The following NDUFA10 variants were observed in gnomAD, a reference collection of about 807,000 sequenced individuals.
NDUFA10 encodes NADH dehydrogenase [ubiquinone] 1 alpha subcomplex subunit 10, mitochondrial.
A neutral mutation model predicts 47.8 loss-of-function variants in NDUFA10; 40 were observed. The ratio of observed to expected loss-of-function variants is 0.84; its 90% CI spans 0.65 to 1.09. The LOEUF is 1.09. NDUFA10 is among the 50% of genes least tolerant of loss of function. NDUFA10 has a pLI of 0.00. For synonymous variants in NDUFA10, 183 were observed against 172.2 expected (o/e 1.06, Z -0.49); for missense variants, 413 against 451.1 (o/e 0.92, Z 0.76).
intron 8 of NDUFA10, among the ~76,000 whole-genome samples, chr2:240,004,925 C>T (rs1490291726): frequency 1.3e-5 from 2 of 152,214 alleles, no homozygotes; most frequent in Non-Finnish European, 2.9e-5. Flanking sequence ...TACTAAAACA[C>T]ATTTTCAAAG....
intron 7 of NDUFA10, among the ~76,000 whole-genome samples, chr2:240,006,259 G>C (rs1477578474): frequency 6.6e-6 from 1 of 152,208 alleles, no homozygotes; most frequent in Non-Finnish European, 1.5e-5. Flanking sequence ...AACAGAAACA[G>C]AAGGCGGAGG....
chr2:240,004,408 C>T (rs1484789658), intron 8 of NDUFA10, among the ~76,000 whole-genome samples: 1 of 151,812 alleles, frequency 6.6e-6, no homozygotes, highest in Non-Finnish European at 1.5e-5. Flanking sequence ...TAAGTCATAT[C>T]GTATTACTCC....
At chr2:239,974,017 C>G (rs1443745472) in intron 9 of NDUFA10, among the ~76,000 whole-genome samples, 1 of 152,170 alleles carries the variant, frequency 6.6e-6, no homozygotes, top group Non-Finnish European at 1.5e-5. Context: ...ACCCCCGCCT[C>G]CTGGATTCAA....
intron 1 of NDUFA10, 63 bp downstream of exon 1, chr2:240,025,164 T>TGGCC: frequency 6.1e-5 from 36 of 594,880 alleles, no homozygotes; most frequent in Non-Finnish European, 8.0e-5. Flanking sequence ...GTGGAACTGC[T>TGGCC]CCCCACCCCG....
intron 4 of NDUFA10, among the ~76,000 whole-genome samples, chr2:239,908,876 G>C (rs1362104240): frequency 1.3e-5 from 2 of 152,160 alleles, no homozygotes; most frequent in African/African-American, 2.4e-5. Context: ...GAGTGACAAG[G>C]GTCAGTCCCT....
Position 240,025,311 on chromosome 2 carries a change from GTCA to G in NDUFA10, c.-13_-11del. The G allele has an allele frequency of 6.6e-7, 1 of 1,505,138 alleles. No homozygotes were observed. Among genetic ancestry groups the G allele is most frequent in the Non-Finnish European group, 8.8e-7 (1 of 1,130,536 alleles). 93.2% of individuals were successfully genotyped at this position (1,505,138 alleles called of 1,614,324 possible). A position where few individuals can be genotyped will look rare whatever the true frequency, so the allele number is the denominator to read the frequency against. ...GGAGCCGCAAGGCCATGGCTACCCG[GTCA>G]GCTCAGGATCAAGGACCCAAGGGGA... is the stretch of plus-strand genomic sequence containing the variant. On this transcript the variant is annotated 5_prime_UTR_variant, in exon 1 of 10. Transcript: ENST00000252711.
At chr2:239,995,179 C>G (rs1356328483) in intron 8 of NDUFA10, among the ~76,000 whole-genome samples, 1 of 151,900 alleles carries the variant, frequency 6.6e-6, no homozygotes, top group East Asian at 1.9e-4. Context: ...GAGGCTGATA[C>G]ATAAGAACTG....
At chr2:239,955,266 G>T (rs573089340), downstream of NDUFA10, among the ~76,000 whole-genome samples, 6 of 152,316 alleles carry the variant, frequency 3.9e-5, no homozygotes, top group Admixed American at 2.0e-4. Flanking sequence ...CACAAAACAT[G>T]AAGGGGCCAG....
At position 239,961,109 on chromosome 2, in the gene NDUFA10, G is replaced by A; in HGVS notation, c.*9C>T. ...CACTGTGATGCAGCTGGAGCAGAAG[G>A]CGGCCCGTTCACTTCAGCCAGATCC... On this transcript the variant is annotated 3_prime_UTR_variant, in exon 10 of 10. Coordinates refer to ENST00000252711, the MANE Select transcript of NDUFA10 (RefSeq NM_004544.4). 6.2e-7 allele frequency: 1 copy of A among 1,614,140 alleles called. No individual in the cohort carries two copies. Among genetic ancestry groups the A allele is most frequent in the South Asian group, 1.1e-5 (1 of 91,078 alleles).
chr2:240,025,166 CCCACCCCGCCACCCCGCCACCCTG>C (rs1697808750), intron 1 of NDUFA10, 37 bp downstream of exon 1: 12 of 540,072 alleles, frequency 2.2e-5, no homozygotes, highest in Middle Eastern at 4.8e-4. Flanking sequence ...GGAACTGCTC[CCCACCCCGCCACCCCGCCACCCTG>C]CCACCCCGCC....
At chr2:239,969,394 G>A (rs987626935) in intron 9 of NDUFA10, 1 of 243,702 alleles carries the variant, frequency 4.1e-6, no homozygotes, top group Non-Finnish European at 8.4e-6. Context: ...AGCTCCTACT[G>A]CAGGGAGGAA....
chr2:239,941,732 A>AG (rs1694364634), intron 4 of NDUFA10, among the ~76,000 whole-genome samples: 1 of 152,000 alleles, frequency 6.6e-6, no homozygotes, highest in Non-Finnish European at 1.5e-5. Context: ...CTCAAAAAAA[A>AG]AAAAAGAAAA....
At chr2:239,980,418 C>T (rs776026748) in intron 9 of NDUFA10, among the ~76,000 whole-genome samples, 1 of 152,218 alleles carries the variant, frequency 6.6e-6, no homozygotes, top group Non-Finnish European at 1.5e-5. Context: ...GGCAAGAATT[C>T]TTTGATCAGC....
At chr2:239,950,940 C>T (rs1694540884) in intron 4 of NDUFA10, among the ~76,000 whole-genome samples, 1 of 152,212 alleles carries the variant, frequency 6.6e-6, no homozygotes, top group Non-Finnish European at 1.5e-5. Flanking sequence ...AAGTCAGCGT[C>T]CCACTGGCCA....
At position 239,982,270 on chromosome 2, in the gene NDUFA10, G is replaced by A. The variant is rs1273623715; in HGVS notation, c.999+7804C>T. Reference sequence around the variant, plus strand: ...GTTCACCTCGCCTCTGACAAAGGCCGACTTTACTTTTCTTTAGTTACTTGT... The same window carrying A: ...GTTCACCTCGCCTCTGACAAAGGCCAACTTTACTTTTCTTTAGTTACTTGT... On this transcript the variant is annotated intron_variant, in intron 9 of 9. Coordinates refer to ENST00000252711, the MANE Select transcript of NDUFA10 (RefSeq NM_004544.4). The A allele has an allele frequency of 9.4e-6, 15 of 1,595,982 alleles. No homozygotes were observed. In the East Asian group the frequency reaches 1.3e-4, roughly 14 times the overall value.
At position 239,926,890 on chromosome 2, in the gene NDUFA10, G is replaced by A. The variant is rs747608099; in HGVS notation, c.295-31576C>T. Among the ~76,000 whole-genome samples, 10 of 152,316 alleles carry A rather than the reference G, an allele frequency of 6.6e-5. No individual in the cohort carries two copies. In the South Asian group the frequency reaches 1.2e-3, roughly 19 times the overall value. ...TGGCTGGGGAGGCCTCACAATCATGGTGGAGAGCGAAGGGGAAGCAAGACA... is the reference window on the plus strand; with the variant it reads ...TGGCTGGGGAGGCCTCACAATCATGATGGAGAGCGAAGGGGAAGCAAGACA... On this transcript the variant is annotated intron_variant, in intron 4 of 5. Coordinates refer to the NDUFA10 transcript ENST00000419408.
intron 4 of NDUFA10, among the ~76,000 whole-genome samples, chr2:239,907,060 G>T (rs74424707): frequency 0.13 from 20,105 of 152,172 alleles, 1,454 homozygotes; most frequent in Middle Eastern, 0.22. Flanking sequence ...CCAAAACAGA[G>T]ATATAGACCA....
chr2:240,010,586 A>G (rs184714268), intron 6 of NDUFA10, among the ~76,000 whole-genome samples: 14 of 152,230 alleles, frequency 9.2e-5, no homozygotes, highest in Non-Finnish European at 1.8e-4. Context: ...ATAGGGCAGT[A>G]CAACAGGTTA....
At chr2:239,967,716 G>C (rs905078625) in intron 9 of NDUFA10, among the ~76,000 whole-genome samples, 12 of 152,206 alleles carry the variant, frequency 7.9e-5, no homozygotes, top group Non-Finnish European at 4.4e-5. Context: ...TGAGGTCGCA[G>C]AGGCAGCTGA....
Sources: allele counts gnomAD v4.1 joint callset (sites outside exome capture counted in the v4.1 genomes callset), GRCh38; gene constraint gnomAD v4.1.1; transcripts MANE v1.5; gene names NCBI Gene and HGNC (gene_info 2026-07-23, HGNC 2026-07-21).